CACNA2D3: variants seen among roughly 807,000 people sequenced by gnomAD.
CACNA2D3 encodes voltage-dependent calcium channel subunit alpha-2/delta-3.
In CACNA2D3, 60 loss-of-function variants were observed where a neutral mutation model predicts 160.6. The observed-to-expected ratio is 0.37, with a 90% CI of 0.30 to 0.46. The LOEUF (loss-of-function observed/expected upper bound fraction) is 0.46. Among genes scored for constraint, CACNA2D3 ranks in the 20% least tolerant of loss-of-function variants. The probability of loss-of-function intolerance (pLI) is 1.00; values close to 1 mark genes in which losing one functional copy is unlikely to be tolerated. For missense variants in CACNA2D3, 1,205 were observed against 1,365.0 expected (o/e 0.88, Z 1.85); for synonymous variants, 558 against 492.9 (o/e 1.13, Z -1.75).
At chr3:54,754,904 A>G (rs1272443782) in intron 12 of CACNA2D3, among the ~76,000 whole-genome samples, 6 of 152,150 alleles carry the variant, frequency 3.9e-5, no homozygotes, top group Non-Finnish European at 5.9e-5. Context: ...GAGGGGGGTG[A>G]CTGAGAACTC....
At chr3:54,975,521 CAAAAAA>C (rs55819960) in intron 29 of CACNA2D3, among the ~76,000 whole-genome samples, 13 of 77,772 alleles carry the variant, frequency 1.7e-4, no homozygotes, top group East Asian at 4.0e-4. Flanking sequence ...ACTTGGTCTC[CAAAAAA>C]AAAAAAAAAA....
chr3:54,241,582 A>G (rs1194092853), intron 2 of CACNA2D3, among the ~76,000 whole-genome samples: 1 of 152,234 alleles, frequency 6.6e-6, no homozygotes, highest in Non-Finnish European at 1.5e-5. Context: ...GCCCAATTCA[A>G]ATTGCACGCA....
chr3:54,740,678 C>T (rs1358618807), intron 11 of CACNA2D3, among the ~76,000 whole-genome samples: 2 of 152,168 alleles, frequency 1.3e-5, no homozygotes, highest in African/African-American at 4.8e-5. Flanking sequence ...TTCCAGTTGA[C>T]TGATGAGTCC....
At chr3:54,969,298 C>A (rs980045215) in intron 28 of CACNA2D3, among the ~76,000 whole-genome samples, 1 of 129,596 alleles carries the variant, frequency 7.7e-6, no homozygotes, top group African/African-American at 3.0e-5. Flanking sequence ...CTTGCTCTGT[C>A]TCCCAGGCTG....
chr3:54,855,686 C>G (rs1277302158), intron 17 of CACNA2D3, among the ~76,000 whole-genome samples: 6 of 152,182 alleles, frequency 3.9e-5, no homozygotes, highest in Admixed American at 1.3e-4. Flanking sequence ...TTGATTGATT[C>G]ATTCATTATT....
At chr3:54,303,498 A>G (rs746514743) in intron 2 of CACNA2D3, among the ~76,000 whole-genome samples, 13 of 152,116 alleles carry the variant, frequency 8.5e-5, no homozygotes, top group African/African-American at 2.7e-4. Context: ...TCAAAAGCCT[A>G]TTTTTTCCAG....
chr3:54,220,584 G>A (rs956252426), intron 2 of CACNA2D3, among the ~76,000 whole-genome samples: 1 of 152,054 alleles, frequency 6.6e-6, no homozygotes, highest in African/African-American at 2.4e-5. Flanking sequence ...CCTCTTCCAG[G>A]CTGGGCAGCC....
At chr3:54,900,448 GT>G (rs1700301075) in intron 27 of CACNA2D3, among the ~76,000 whole-genome samples, 2 of 152,190 alleles carry the variant, frequency 1.3e-5, no homozygotes, top group South Asian at 4.1e-4. Context: ...CTTTTTAGGA[GT>G]GTCAGCAGCT....
At chr3:54,654,532 C>T (rs1470255149) in intron 11 of CACNA2D3, among the ~76,000 whole-genome samples, 1 of 152,082 alleles carries the variant, frequency 6.6e-6, no homozygotes, top group Non-Finnish European at 1.5e-5. Flanking sequence ...GCAACAGCCA[C>T]CACCTCAATA....
At chr3:54,966,339 A>G (rs1267550440) in intron 27 of CACNA2D3, among the ~76,000 whole-genome samples, 2 of 152,172 alleles carry the variant, frequency 1.3e-5, no homozygotes, top group Non-Finnish European at 2.9e-5. Flanking sequence ...AAATGCAGTC[A>G]ACTACCATCA....
intron 11 of CACNA2D3, among the ~76,000 whole-genome samples, chr3:54,700,223 A>G (rs761085956): frequency 2.6e-5 from 4 of 152,128 alleles, no homozygotes; most frequent in African/African-American, 7.2e-5. Context: ...GAACATCTCA[A>G]GTGTTTGCTG....
At chr3:54,642,558 T>A (rs892476015) in intron 11 of CACNA2D3, among the ~76,000 whole-genome samples, 20 of 152,190 alleles carry the variant, frequency 1.3e-4, no homozygotes, top group African/African-American at 4.8e-4. Context: ...CAGAGCTGCA[T>A]GTTGGGCCCA....
chr3:54,640,957 G>T (rs2106844058), intron 10 of CACNA2D3, among the ~76,000 whole-genome samples: 1 of 152,056 alleles, frequency 6.6e-6, no homozygotes, highest in East Asian at 1.9e-4. Context: ...CTGAAGGTAA[G>T]AGAGGTTGTG....
intron 29 of CACNA2D3, among the ~76,000 whole-genome samples, chr3:54,977,432 A>C (rs748126704): frequency 2.0e-5 from 3 of 152,160 alleles, no homozygotes; most frequent in Non-Finnish European, 4.4e-5. Flanking sequence ...TTTATAATCT[A>C]TTTGCCTTGT....
chr3:54,678,169 T>A (rs1441271926), intron 11 of CACNA2D3, among the ~76,000 whole-genome samples: 2 of 152,198 alleles, frequency 1.3e-5, no homozygotes, highest in Non-Finnish European at 2.9e-5. Flanking sequence ...AGGTTTGCCC[T>A]CTATTTTAGA....
chr3:54,750,157 A>T (rs948126260), intron 11 of CACNA2D3, among the ~76,000 whole-genome samples: 2 of 152,186 alleles, frequency 1.3e-5, no homozygotes, highest in Non-Finnish European at 1.5e-5. Context: ...CTGGAGTTTT[A>T]ACTATGTCTC....
At chr3:54,479,659 G>A (rs908319168) in intron 4 of CACNA2D3, among the ~76,000 whole-genome samples, 4 of 152,090 alleles carry the variant, frequency 2.6e-5, no homozygotes, top group South Asian at 2.1e-4. Flanking sequence ...AGGAGAGAAG[G>A]CTACACATTA....
At chr3:54,914,849 T>C (rs1376359456) in intron 27 of CACNA2D3, among the ~76,000 whole-genome samples, 1 of 152,192 alleles carries the variant, frequency 6.6e-6, no homozygotes, top group Non-Finnish European at 1.5e-5. Context: ...CAGGGATGGG[T>C]TTTCCCAAAC....
chr3:54,350,224 G>GTAC (rs1698528652), intron 3 of CACNA2D3, among the ~76,000 whole-genome samples: 1 of 152,072 alleles, frequency 6.6e-6, no homozygotes, highest in African/African-American at 2.4e-5. Flanking sequence ...TAAAATAACT[G>GTAC]TACTCTCTTG....
Sources: gnomAD v4.1 joint callset for allele counts (sites outside exome capture counted in the v4.1 genomes callset) on GRCh38, gnomAD v4.1.1 for gene constraint, MANE v1.5 for transcripts, NCBI Gene and HGNC (gene_info 2026-07-23, HGNC 2026-07-21) for gene names.